The following MAGI1 variants were observed in gnomAD, a reference collection of about 807,000 sequenced individuals.
MAGI1 encodes membrane associated guanylate kinase, WW and PDZ domain containing 1.
A neutral mutation model predicts 139.9 loss-of-function variants in MAGI1; 58 were observed. That is an observed-to-expected ratio of 0.41 (90% CI 0.34 to 0.52). The LOEUF (loss-of-function observed/expected upper bound fraction) is 0.52. Among genes scored for constraint, MAGI1 ranks in the 20% least tolerant of loss-of-function variants. MAGI1 has a pLI of 0.12. For missense variants in MAGI1, 1,874 were observed against 1,901.6 expected, an observed-to-expected ratio of 0.99 and a Z score of 0.27; for synonymous variants, 812 against 737.9, an observed-to-expected ratio of 1.10 and a Z score of -1.63.
At chr3:65,658,226 C>A (rs78581673) in intron 1 of MAGI1, among the ~76,000 whole-genome samples, 26,643 of 151,740 alleles carry the variant, frequency 0.18, 2,700 homozygotes, top group Non-Finnish European at 0.24. Context: ...CTTTAAAACC[C>A]TTCCTTTTGG....
intron 1 of MAGI1, among the ~76,000 whole-genome samples, chr3:65,733,560 G>A (rs1161540173): frequency 1.3e-5 from 2 of 152,134 alleles, no homozygotes; most frequent in Non-Finnish European, 2.9e-5. Flanking sequence ...AACCAGAGAA[G>A]GAAACCTCAT....
chr3:65,583,866 T>C (rs896703802), intron 2 of MAGI1, among the ~76,000 whole-genome samples: 2 of 152,170 alleles, frequency 1.3e-5, no homozygotes, highest in Non-Finnish European at 2.9e-5. Flanking sequence ...AAAAGCTCTG[T>C]CATTTTCTCC....
intron 5 of MAGI1, among the ~76,000 whole-genome samples, chr3:65,457,558 C>G (rs987655582): frequency 6.6e-6 from 1 of 151,994 alleles, no homozygotes; most frequent in African/African-American, 2.4e-5. Context: ...TAGATTGACA[C>G]CTGTATTATT....
At chr3:65,848,404 C>A (rs1189119096) in intron 1 of MAGI1, among the ~76,000 whole-genome samples, 1 of 152,096 alleles carries the variant, frequency 6.6e-6, no homozygotes, top group East Asian at 1.9e-4. Context: ...TACTTCAGCA[C>A]TGAAGTACAC....
chr3:65,712,439 G>A lies in MAGI1; in HGVS notation c.314-90351C>T, dbSNP rs184331022. Among the ~76,000 whole-genome samples, 343 of 145,864 alleles carry A rather than the reference G, an allele frequency of 2.4e-3. 3 individuals carry two copies. The highest frequency in any genetic ancestry group is 3.9e-3 in the Non-Finnish European group (264 of 67,032). ...GCAGCTACCATCTGGCTGCAACCACGAGAGACCCCAAGCAAGAAAAAAAAA... is the reference window on the plus strand; with the variant it reads ...GCAGCTACCATCTGGCTGCAACCACAAGAGACCCCAAGCAAGAAAAAAAAA... On this transcript the variant is annotated intron_variant, in intron 1 of 22. Transcript: ENST00000402939.
At chr3:65,443,003 T>A (rs189315928) in intron 7 of MAGI1, among the ~76,000 whole-genome samples, 154 bp from the exon 8 acceptor site, 2 of 152,244 alleles carry the variant, frequency 1.3e-5, no homozygotes, top group Admixed American at 1.3e-4. Context: ...AAAAAGTATC[T>A]ATTATTTTAT....
At chr3:65,393,385 T>C (rs892749189) in intron 13 of MAGI1, among the ~76,000 whole-genome samples, 23 of 152,190 alleles carry the variant, frequency 1.5e-4, no homozygotes, top group Non-Finnish European at 8.8e-5. Flanking sequence ...GGTGGAGTTT[T>C]TCCCTCTTAT....
intron 14 of MAGI1, among the ~76,000 whole-genome samples, chr3:65,384,258 T>C (rs770483000): frequency 5.3e-5 from 8 of 152,238 alleles, no homozygotes; most frequent in Non-Finnish European, 1.2e-4. Context: ...CCTCCATATC[T>C]GTGGGTTCTG....
chr3:65,414,992 G>A, intron 12 of MAGI1, among the ~76,000 whole-genome samples: 1 of 138,122 alleles, frequency 7.2e-6, no homozygotes, highest in South Asian at 2.3e-4. Context: ...TCATGCCATT[G>A]CACTCCAGCC....
At chr3:65,396,805 A>G (rs1290106526) in intron 13 of MAGI1, among the ~76,000 whole-genome samples, 1 of 152,090 alleles carries the variant, frequency 6.6e-6, no homozygotes, top group East Asian at 1.9e-4. Context: ...AAAATCAGAG[A>G]CTCGAATCCA....
chr3:65,850,756 G>A (rs1020672591), intron 1 of MAGI1, among the ~76,000 whole-genome samples: 4 of 152,000 alleles, frequency 2.6e-5, no homozygotes, highest in South Asian at 2.1e-4. Flanking sequence ...CTTTCTCCAC[G>A]GCTGAGAACA....
chr3:65,426,077 A>G (rs1947023569), intron 12 of MAGI1, among the ~76,000 whole-genome samples: 2 of 152,096 alleles, frequency 1.3e-5, no homozygotes, highest in Non-Finnish European at 2.9e-5. Context: ...AGGACACACA[A>G]TTGGAAGAGG....
intron 1 of MAGI1, among the ~76,000 whole-genome samples, chr3:65,816,926 A>G (rs900412386): frequency 6.6e-6 from 1 of 152,212 alleles, no homozygotes; most frequent in African/African-American, 2.4e-5. Context: ...TACTTCAAAT[A>G]TCTATTCAAC....
chr3:65,727,581 A>G (rs148006278), intron 1 of MAGI1, among the ~76,000 whole-genome samples: 3 of 152,308 alleles, frequency 2.0e-5, no homozygotes, highest in East Asian at 3.9e-4. Flanking sequence ...ATTTTATGAT[A>G]AACTGAATGT....
chr3:65,354,902 C>CT lies in MAGI1; in HGVS notation c.*1475dup, dbSNP rs1432609707. On this transcript the variant is annotated 3_prime_UTR_variant, in exon 23 of 23. Coordinates refer to ENST00000402939, the MANE Select transcript of MAGI1 (RefSeq NM_001033057.2). ...GGTTTTCTTTTTTTTTTTCTTTTTCCTTTTTTTTTTTCTTACAGTACCATG... is the reference window on the plus strand; with the variant it reads ...GGTTTTCTTTTTTTTTTTCTTTTTCCTTTTTTTTTTTTCTTACAGTACCATG... 761 of 143,378 alleles carry CT rather than the reference C, an allele frequency of 5.3e-3. 3 individuals carry two copies. Among genetic ancestry groups the CT allele is most frequent in the South Asian group, 0.017 (75 of 4,496 alleles). 8.9% of individuals were successfully genotyped at this position (143,378 alleles called of 1,614,324 possible). A position where few individuals can be genotyped will look rare whatever the true frequency, so the allele number is the denominator to read the frequency against.
intron 1 of MAGI1, among the ~76,000 whole-genome samples, chr3:65,788,079 C>T (rs1032203883): frequency 6.6e-6 from 1 of 152,162 alleles, no homozygotes; most frequent in Non-Finnish European, 1.5e-5. Context: ...TGAGGTCAAA[C>T]CAGAAGTCTC....
chr3:65,784,285 A>G (rs896957486), intron 1 of MAGI1, among the ~76,000 whole-genome samples: 3 of 152,170 alleles, frequency 2.0e-5, no homozygotes, highest in African/African-American at 7.2e-5. Context: ...GAGCAATCCC[A>G]CTCTAGGTAT....
chr3:65,371,534 A>G (rs1038378542), intron 18 of MAGI1, among the ~76,000 whole-genome samples: 3 of 152,104 alleles, frequency 2.0e-5, no homozygotes, highest in African/African-American at 7.2e-5. Flanking sequence ...GTGGTTGCTG[A>G]AGGTTGGGTG....
chr3:65,683,484 A>T (rs1164358848), intron 1 of MAGI1, among the ~76,000 whole-genome samples: 1 of 151,260 alleles, frequency 6.6e-6, no homozygotes, highest in African/African-American at 2.5e-5. Context: ...ATTAAAAAAA[A>T]GAAAAGAAAA....
Sources: gnomAD v4.1 joint callset for allele counts (sites outside exome capture counted in the v4.1 genomes callset) on GRCh38, gnomAD v4.1.1 for gene constraint, MANE v1.5 for transcripts, NCBI Gene and HGNC (gene_info 2026-07-23, HGNC 2026-07-21) for gene names.